Variants in LYRM7 observed in about 807,000 individuals in gnomAD.
The protein encoded by LYRM7 is complex III assembly factor LYRM7.
A neutral mutation model predicts 15.8 loss-of-function variants in LYRM7; 9 were observed. The ratio of observed to expected loss-of-function variants is 0.57; its 90% CI spans 0.34 to 0.99. LYRM7 has a LOEUF of 0.99. Among genes scored for constraint, LYRM7 ranks in the 50% least tolerant of loss-of-function variants. The pLI, the probability that LYRM7 is intolerant of heterozygous loss-of-function variation, is 0.02. For synonymous variants in LYRM7, 39 were observed against 39.4 expected, an observed-to-expected ratio of 0.99 and a Z score of 0.04; for missense variants, 115 against 119.1, an observed-to-expected ratio of 0.97 and a Z score of 0.16.
chr5:131,183,552 C>T (rs1414496010), intron 3 of LYRM7, among the ~76,000 whole-genome samples: 4 of 152,146 alleles, frequency 2.6e-5, no homozygotes, highest in Non-Finnish European at 5.9e-5. Flanking sequence ...ATTAATTTAA[C>T]ATTAAGCAAT....
chr5:131,192,376 T>C (rs982647732), intron 4 of LYRM7, among the ~76,000 whole-genome samples: 3 of 152,176 alleles, frequency 2.0e-5, no homozygotes, highest in African/African-American at 7.2e-5. Context: ...AGGGTAACTA[T>C]AATTAACAAT....
At chr5:131,179,914 T>C (rs1457281586) in intron 1 of LYRM7, among the ~76,000 whole-genome samples, 181 bp from the exon 2 acceptor site, 3 of 151,888 alleles carry the variant, frequency 2.0e-5, no homozygotes, top group African/African-American at 7.3e-5. Flanking sequence ...CCAGCCTGGG[T>C]GACAGAGTGA....
intron 2 of LYRM7, 110 bp from the exon 3 acceptor site, chr5:131,182,119 C>T: frequency 1.0e-6 from 1 of 973,088 alleles, no homozygotes. Context: ...TTCATGAGGG[C>T]AATTTCTATA....
At chr5:131,191,100 ACT>A (rs760554572) in intron 4 of LYRM7, among the ~76,000 whole-genome samples, 13 of 151,078 alleles carry the variant, frequency 8.6e-5, no homozygotes, top group Non-Finnish European at 1.8e-4. Flanking sequence ...AAATATTTTG[ACT>A]CTTTTATGAG....
rs1464475496 is a variant in LYRM7, at chr5:131,182,247, A to G, written c.110A>G (p.Asn37Ser). Residue 37 changes from asparagine to serine, a missense_variant, in exon 3 of 5, where the codon AAT becomes AGT. Coordinates refer to ENST00000379380, the MANE Select transcript of LYRM7 (RefSeq NM_181705.4). ...RALEAARIKI[N>S]EEFKNNKSET... is the part of the protein sequence containing the mutation. ...TTTGTAGCAGCCAGAATAAAGATAA[A>G]TGAAGAATTCAAAAATAATAAAAGT... 7.0e-7 allele frequency: 1 copy of G among 1,436,222 alleles called. No homozygotes were observed. The highest frequency in any genetic ancestry group is 2.5e-5 in the East Asian group (1 of 40,150). The allele number at this position is 1,436,222 out of a possible 1,614,324, so 89.0% of individuals were successfully genotyped here.
intron 4 of LYRM7, among the ~76,000 whole-genome samples, chr5:131,190,976 A>G (rs1372510792): frequency 6.6e-6 from 1 of 152,004 alleles, no homozygotes; most frequent in Non-Finnish European, 1.5e-5. Flanking sequence ...ATTTTAAATA[A>G]CTAAATTTAG....
chr5:131,204,579 A>G lies in LYRM7; in HGVS notation c.*4978A>G, dbSNP rs1035241184. 1 of 151,784 alleles carries G rather than the reference A, an allele frequency of 6.6e-6. No homozygotes were observed. The highest frequency in any genetic ancestry group is 1.5e-5 in the Non-Finnish European group (1 of 67,998). 9.4% of individuals were successfully genotyped at this position (151,784 alleles called of 1,614,324 possible). ...GTCCAAAACTTTCTGACCCACCAAC[A>G]TGACTGATGCTCAAAGGAAATGGCC... On this transcript the variant is annotated 3_prime_UTR_variant, in exon 5 of 5. Transcript: ENST00000379380.
At chr5:131,173,252 ACT>A (rs1462696994) in intron 1 of LYRM7, among the ~76,000 whole-genome samples, 3 of 152,152 alleles carry the variant, frequency 2.0e-5, no homozygotes. Context: ...TCTACACATT[ACT>A]CAATTCCAAA....
intron 2 of LYRM7, among the ~76,000 whole-genome samples, chr5:131,181,302 A>AATATATATATATATATATATAT (rs1561544194): frequency 1.5e-3 from 13 of 8,764 alleles, no homozygotes; most frequent in East Asian, 6.7e-3. Flanking sequence ...AAAAAAAAAA[A>AATATATATATATATATATATAT]ATATATATAT....
chr5:131,192,945 C>A (rs954682556), intron 4 of LYRM7, among the ~76,000 whole-genome samples: 2 of 151,976 alleles, frequency 1.3e-5, no homozygotes, highest in African/African-American at 4.8e-5. Context: ...TATATATTTT[C>A]ATTCGTACAA....
At chr5:131,190,123 G>T (rs1755861693) in intron 4 of LYRM7, among the ~76,000 whole-genome samples, 1 of 145,998 alleles carries the variant, frequency 6.8e-6, no homozygotes, top group African/African-American at 2.5e-5. Flanking sequence ...GACAGAGCCA[G>T]ACCCTGTCTC....
At chr5:131,171,954 A>G (rs146261028) in intron 1 of LYRM7, among the ~76,000 whole-genome samples, 3 of 152,346 alleles carry the variant, frequency 2.0e-5, no homozygotes, top group East Asian at 1.9e-4. Flanking sequence ...CATTTAGCCT[A>G]TATTGTCTAA....
At chr5:131,198,972 C>T (rs80062484) in intron 4 of LYRM7, among the ~76,000 whole-genome samples, 7,204 of 152,152 alleles carry the variant, frequency 0.047, 424 homozygotes, top group African/African-American at 0.14. Flanking sequence ...TCAATGTGGG[C>T]ACTATTGGCA....
In LYRM7 at chr5:131,199,701, T is replaced by C. The variant is rs1419747844; in HGVS notation, c.*100T>C. On this transcript the variant is annotated 3_prime_UTR_variant, in exon 5 of 5. Coordinates refer to ENST00000379380, the MANE Select transcript of LYRM7 (RefSeq NM_181705.4). ...CAGACATTTTCCCTGAACTGGCATATTGAAAATGAATGAATTACAGAATAG... is the reference window on the plus strand; with the variant it reads ...CAGACATTTTCCCTGAACTGGCATACTGAAAATGAATGAATTACAGAATAG... 1.4e-6 allele frequency: 1 copy of C among 699,690 alleles called. No individual in the cohort carries two copies. The highest frequency in any genetic ancestry group is 2.3e-6 in the Non-Finnish European group (1 of 430,946). 43.3% of individuals were successfully genotyped at this position (699,690 alleles called of 1,614,324 possible). A position where few individuals can be genotyped will look rare whatever the true frequency, so the allele number is the denominator to read the frequency against.
intron 1 of LYRM7, among the ~76,000 whole-genome samples, chr5:131,178,083 T>C (rs561167389): frequency 3.5e-4 from 54 of 152,352 alleles, no homozygotes; most frequent in African/African-American, 1.3e-3. Context: ...AAGTTTTTTA[T>C]GGCAGCTTGG....
intron 4 of LYRM7, among the ~76,000 whole-genome samples, chr5:131,196,504 T>C (rs922883301): frequency 1.3e-5 from 2 of 152,114 alleles, no homozygotes; most frequent in African/African-American, 4.8e-5. Flanking sequence ...ACTCTCCTTT[T>C]GCCCTTTTCT....
At position 131,174,955 on chromosome 5, in the gene LYRM7, C is replaced by T. The variant is rs140047075; in HGVS notation, c.18+3917C>T. Among the ~76,000 whole-genome samples, 19 of 152,264 alleles carry T rather than the reference C, an allele frequency of 1.2e-4. No homozygotes were observed. In the East Asian group the frequency reaches 3.7e-3, roughly 29 times the overall value. ...ACAATATTAATTTCCTTTTACATCT[C>T]CATCAGAGCTCTTGGGTGATGAGGT... On this transcript the variant is annotated intron_variant, in intron 1 of 4. Coordinates refer to ENST00000379380, the MANE Select transcript of LYRM7 (RefSeq NM_181705.4).
At chr5:131,194,621 G>A (rs1287791068) in intron 4 of LYRM7, among the ~76,000 whole-genome samples, 1 of 152,186 alleles carries the variant, frequency 6.6e-6, no homozygotes, top group Non-Finnish European at 1.5e-5. Context: ...AGTTCCTCAT[G>A]GAGAAGAGAA....
At chr5:131,192,140 G>A (rs1755897303) in intron 4 of LYRM7, among the ~76,000 whole-genome samples, 2 of 150,792 alleles carry the variant, frequency 1.3e-5, no homozygotes, top group South Asian at 4.2e-4. Flanking sequence ...CAACATACAT[G>A]AACCTGGAAG....
Sources: gnomAD v4.1 joint callset for allele counts (sites outside exome capture counted in the v4.1 genomes callset) on GRCh38, gnomAD v4.1.1 for gene constraint, MANE v1.5 for transcripts, NCBI Gene and HGNC (gene_info 2026-07-23, HGNC 2026-07-21) for gene names.